MARCHF1: variants seen among roughly 807,000 people sequenced by gnomAD.
The protein encoded by MARCHF1 is membrane associated ring-CH-type finger 1, also known as E3 ubiquitin-protein ligase MARCHF1.
MARCHF1 carries 40 observed loss-of-function variants against 54.2 expected under a neutral mutation model. The ratio of observed to expected loss-of-function variants is 0.74; its 90% CI spans 0.57 to 0.96. The LOEUF is 0.96. Among genes scored for constraint, MARCHF1 ranks in the 40% least tolerant of loss-of-function variants. The pLI is 0.00. For synonymous variants in MARCHF1, 236 were observed against 236.3 expected (o/e 1.00, Z 0.01); for missense variants, 586 against 656.5 (o/e 0.89, Z 1.17).
At chr4:163,941,962 T>C (rs929463481) in intron 3 of MARCHF1, among the ~76,000 whole-genome samples, 1 of 152,150 alleles carries the variant, frequency 6.6e-6, no homozygotes, top group Non-Finnish European at 1.5e-5. Flanking sequence ...CAAAAGAACT[T>C]TCTTCTCTGT....
intron 2 of MARCHF1, among the ~76,000 whole-genome samples, chr4:164,045,129 C>T (rs577308047): frequency 6.6e-6 from 1 of 151,772 alleles, no homozygotes; most frequent in South Asian, 2.1e-4. Flanking sequence ...TCTAAAATCG[C>T]AAACAAAACA....
chr4:164,138,433 A>C (rs778331850), intron 1 of MARCHF1, among the ~76,000 whole-genome samples: 1 of 152,148 alleles, frequency 6.6e-6, no homozygotes, highest in Non-Finnish European at 1.5e-5. Context: ...AGTAGGAGCA[A>C]GGGAGCTAGG....
At chr4:164,220,930 G>A (rs909323902) in intron 1 of MARCHF1, among the ~76,000 whole-genome samples, 2 of 151,388 alleles carry the variant, frequency 1.3e-5, no homozygotes, top group Non-Finnish European at 3.0e-5. Context: ...TATTTTACAG[G>A]CACTTTAAGC....
rs181748588 is a variant in MARCHF1 at position 163,848,137 on chromosome 4, C to T, written c.111+5884G>A. On this transcript the variant is annotated intron_variant, in intron 4 of 9. Coordinates refer to ENST00000514618, the MANE Select transcript of MARCHF1 (RefSeq NM_001394959.1). ...TTGAAAAGTTGTATATGTCTGATTA[C>T]AAATCATTTTTCATTTTAATTTCAT... Among the ~76,000 whole-genome samples, 15 of 152,282 alleles carry T rather than the reference C, an allele frequency of 9.9e-5. No individual in the cohort carries two copies. The East Asian group carries it at 2.9e-3, about 29-fold the overall frequency.
chr4:163,685,909 A>G (rs1351645570), intron 5 of MARCHF1, among the ~76,000 whole-genome samples: 1 of 152,184 alleles, frequency 6.6e-6, no homozygotes, highest in Non-Finnish European at 1.5e-5. Flanking sequence ...GTGGACAAAT[A>G]ACTCCTGGAG....
intron 2 of MARCHF1, among the ~76,000 whole-genome samples, chr4:164,004,589 T>C (rs1753249889): frequency 6.6e-6 from 1 of 152,044 alleles, no homozygotes; most frequent in African/African-American, 2.4e-5. Context: ...AGATTATTAC[T>C]TGGGCAATTA....
intron 1 of MARCHF1, among the ~76,000 whole-genome samples, chr4:164,165,695 G>T (rs1225265090): frequency 6.6e-6 from 1 of 151,994 alleles, no homozygotes; most frequent in Non-Finnish European, 1.5e-5. Context: ...TACATGAACT[G>T]AAAGGCCCTG....
chr4:164,069,886 T>C (rs1188581660), intron 2 of MARCHF1, among the ~76,000 whole-genome samples: 2 of 152,186 alleles, frequency 1.3e-5, no homozygotes, highest in Non-Finnish European at 2.9e-5. Flanking sequence ...CAATGGTATA[T>C]TGGATTGAAA....
chr4:164,262,743 T>G (rs1433872641), intron 1 of MARCHF1, among the ~76,000 whole-genome samples: 1 of 152,152 alleles, frequency 6.6e-6, no homozygotes, highest in East Asian at 1.9e-4. Context: ...GAGACGATGA[T>G]TGGCAAAGCC....
intron 1 of MARCHF1, among the ~76,000 whole-genome samples, chr4:164,376,989 C>A (rs1454306088): frequency 6.6e-6 from 1 of 152,186 alleles, no homozygotes; most frequent in Admixed American, 6.5e-5. Context: ...TTATCACTCT[C>A]ACCAAGCTTC....
intron 3 of MARCHF1, among the ~76,000 whole-genome samples, chr4:163,911,379 G>A (rs1040802265): frequency 6.6e-6 from 1 of 152,112 alleles, no homozygotes; most frequent in Non-Finnish European, 1.5e-5. Context: ...TAGTAAGACA[G>A]GCTTTCCCTA....
At chr4:163,681,261 A>C (rs527620009) in intron 5 of MARCHF1, among the ~76,000 whole-genome samples, 1 of 152,264 alleles carries the variant, frequency 6.6e-6, no homozygotes, top group Non-Finnish European at 1.5e-5. Context: ...AAAGAAAGAA[A>C]GATTGATAGA....
chr4:163,988,240 T>C (rs557269717), intron 3 of MARCHF1, among the ~76,000 whole-genome samples: 1 of 152,306 alleles, frequency 6.6e-6, no homozygotes, highest in Non-Finnish European at 1.5e-5. Context: ...CTCCATAGAT[T>C]GTTTAGAAAA....
chr4:163,826,605 A>T (rs932555479), intron 4 of MARCHF1, among the ~76,000 whole-genome samples: 1 of 152,080 alleles, frequency 6.6e-6, no homozygotes, highest in Admixed American at 6.6e-5. Flanking sequence ...AGCAAAACCA[A>T]CATACACTGT....
chr4:164,176,237 G>A (rs1367154899), intron 1 of MARCHF1, among the ~76,000 whole-genome samples: 2 of 152,092 alleles, frequency 1.3e-5, no homozygotes, highest in East Asian at 3.9e-4. Flanking sequence ...GAAATGCCAA[G>A]GGTCGCATGC....
At chr4:163,587,762 TAAAAC>T (rs1340188185) in intron 7 of MARCHF1, among the ~76,000 whole-genome samples, 3 of 150,632 alleles carry the variant, frequency 2.0e-5, no homozygotes, top group African/African-American at 7.5e-5. Context: ...CTCCTGAATC[TAAAAC>T]AAAATTTTAC....
chr4:164,274,474 AATT>A (rs1444984958), intron 1 of MARCHF1, among the ~76,000 whole-genome samples: 6 of 152,116 alleles, frequency 3.9e-5, no homozygotes, highest in East Asian at 1.9e-4. Flanking sequence ...CTAGAAAAAA[AATT>A]ATTAAGAGGA....
intron 1 of MARCHF1, among the ~76,000 whole-genome samples, chr4:164,245,397 C>T (rs1376375170): frequency 6.6e-5 from 10 of 152,188 alleles, no homozygotes; most frequent in South Asian, 2.1e-4. Context: ...CAAAATTCAA[C>T]GATGCTTCAT....
chr4:164,188,991 C>T, intron 1 of MARCHF1: 1 of 712,414 alleles, frequency 1.4e-6, no homozygotes, highest in Admixed American at 1.9e-5. Context: ...CCTATGGCAG[C>T]TGCTATTGGT....
Sources: allele counts gnomAD v4.1 joint callset (sites outside exome capture counted in the v4.1 genomes callset), GRCh38; gene constraint gnomAD v4.1.1; transcripts MANE v1.5; gene names NCBI Gene and HGNC (gene_info 2026-07-23, HGNC 2026-07-21).